Variants in NAALADL1 observed in about 807,000 individuals in gnomAD.
The protein encoded by NAALADL1 is aminopeptidase NAALADL1.
In NAALADL1, 77 loss-of-function variants were observed where a neutral mutation model predicts 82.8. The observed-to-expected ratio is 0.93, with a 90% CI of 0.77 to 1.12. NAALADL1 has a LOEUF of 1.12. Ranked by LOEUF, NAALADL1 falls within the 50% of genes most tolerant of loss-of-function variation. The pLI, the probability that NAALADL1 is intolerant of heterozygous loss-of-function variation, is 0.00. For missense variants in NAALADL1, 956 were observed against 964.0 expected, an observed-to-expected ratio of 0.99 and a Z score of 0.11; for synonymous variants, 358 against 399.2, an observed-to-expected ratio of 0.90 and a Z score of 1.23.
intron 3 of NAALADL1, 55 bp from the exon 4 acceptor site, chr11:65,057,548 G>T: frequency 6.4e-7 from 1 of 1,572,696 alleles, no homozygotes. Flanking sequence ...TGTGGGTGGG[G>T]AAGGGGGGTG....
rs369881499 is a variant in NAALADL1, at chr11:65,057,961, G to T, written c.394C>A (p.Arg132=). 3 of 1,614,010 alleles carry T rather than the reference G, an allele frequency of 1.9e-6. No individual in the cohort carries two copies. The highest frequency in any genetic ancestry group is 1.3e-5 in the African/African-American group (1 of 74,906). ...PTGGIIHSCH[R]TEENVTGEQG... ...TCCCCGGTCACGTTCTCCTCAGTCC[G>T]GTGGCAGGAGTGGATGATGCCCCCA... Residue 132 remains arginine, a synonymous_variant, in exon 3 of 18, where the codon CGG becomes AGG. Coordinates refer to ENST00000358658, the MANE Select transcript of NAALADL1 (RefSeq NM_005468.3).
intron 4 of NAALADL1, among the ~76,000 whole-genome samples, chr11:65,055,116 T>C (rs886520749): frequency 6.6e-6 from 1 of 152,150 alleles, no homozygotes; most frequent in Non-Finnish European, 1.5e-5. Context: ...TAACATACAA[T>C]GGAGGCCGGG....
chr11:65,045,194 A>G lies in NAALADL1; in HGVS notation c.*77T>C, dbSNP rs907069064. ...GTGGTAGTGCCCTCTTCTGGCACCA[A>G]GGAAGACCAGGACATCTCAGGAAAG... On this transcript the variant is annotated 3_prime_UTR_variant, in exon 18 of 18. Coordinates refer to ENST00000358658, the MANE Select transcript of NAALADL1 (RefSeq NM_005468.3). 2 of 1,501,270 alleles carry G rather than the reference A, an allele frequency of 1.3e-6. No homozygotes were observed. Among genetic ancestry groups the G allele is most frequent in the East Asian group, 2.3e-5 (1 of 42,564 alleles). 93.0% of individuals were successfully genotyped at this position (1,501,270 alleles called of 1,614,324 possible).
In NAALADL1 at chr11:65,045,293, A is replaced by C; in HGVS notation, c.2201T>G (p.Leu734Arg). ...GGGTCAGAGGTCAGCCACAGGCCTC[A>C]GGGTGGCTGCCGCACCCTCCAGGGC... is the stretch of plus-strand genomic sequence containing the variant. ...VTALEGAAATLRPVADL is the reference protein window; with the variant it reads ...VTALEGAAATRRPVADL Residue 734 changes from leucine (L) to arginine (R), a missense_variant, in exon 18 of 18, where the codon CTG becomes CGG. Leu to Arg is a moderately radical substitution (Grantham distance 102). Transcript: ENST00000358658. 6.2e-7 allele frequency: 1 copy of C among 1,608,196 alleles called. No individual in the cohort carries two copies. Among genetic ancestry groups the C allele is most frequent in the South Asian group, 1.1e-5 (1 of 90,456 alleles).
At chr11:65,046,006 C>T in intron 16 of NAALADL1, 21 bp downstream of exon 16, 1 of 1,612,834 alleles carries the variant, frequency 6.2e-7, no homozygotes, top group Non-Finnish European at 8.5e-7. Flanking sequence ...CTCCCAGCCC[C>T]TGCCCGCTGC....
Position 65,053,349 on chromosome 11 carries a change from A to G in NAALADL1, c.1079-12T>C. ...CAGCACGTAGCGATCTGGCCAGAGG[A>G]AAAGGGGCAGAGAACCAGAGGAGAG... On this transcript the variant is annotated splice_polypyrimidine_tract_variant and intron_variant, in intron 7 of 17. Transcript: ENST00000358658. The surrounding 1 kb of genome is among the most constrained non-coding windows in gnomAD (Gnocchi z 4.3). 6.3e-7 allele frequency: 1 copy of G among 1,594,330 alleles called. No homozygotes were observed. The highest frequency in any genetic ancestry group is 8.5e-7 in the Non-Finnish European group (1 of 1,170,844).
In NAALADL1 at chr11:65,045,369, C is replaced by A. The variant is rs953709887; in HGVS notation, c.2125G>T (p.Gly709Ter). 2 of 1,612,104 alleles carry A rather than the reference C, an allele frequency of 1.2e-6. No individual in the cohort carries two copies. The change falls in exon 18 of 18, where the codon GGA (glycine) becomes TGA (stop). Residue 709 changes from glycine (G) to a stop codon, truncating the protein, a stop_gained. Transcript: ENST00000358658. LOFTEE classifies it high-confidence loss of function. ...TGGACCTCAGCCCAAGCTTCAGATCCAGAAGCTGTGTCCCTGGCCCTGGAG... is the reference window on the plus strand; with the variant it reads ...TGGACCTCAGCCCAAGCTTCAGATCAAGAAGCTGTGTCCCTGGCCCTGGAG... ...ACSRARDTAS[G>*]SEAWAEVQRQ...
chr11:65,045,982 C>T (rs780944314), intron 16 of NAALADL1, 45 bp downstream of exon 16: 4 of 1,611,330 alleles, frequency 2.5e-6, no homozygotes, highest in Non-Finnish European at 3.4e-6. Flanking sequence ...TGGTATCCTG[C>T]CCTGGGTGCT....
At chr11:65,055,418 C>T (rs1444351771) in intron 4 of NAALADL1, among the ~76,000 whole-genome samples, 2 of 152,092 alleles carry the variant, frequency 1.3e-5, no homozygotes, top group African/African-American at 4.8e-5. Flanking sequence ...GCCTAGGTGA[C>T]AGAGCAAGAC....
chr11:65,054,911 C>G lies in NAALADL1; in HGVS notation c.604-173G>C. On this transcript the variant is annotated intron_variant, in intron 4 of 17. Coordinates refer to ENST00000358658, the MANE Select transcript of NAALADL1 (RefSeq NM_005468.3). The surrounding 1 kb of genome is among the most constrained non-coding windows in gnomAD (Gnocchi z 4.3). ...CCTCTTGCAACAGTAAAGGCCAGTT[C>G]GGCACAGCCAAGCCCGTGCCTATCA... is the stretch of plus-strand genomic sequence containing the variant. Among the ~76,000 whole-genome samples the G allele has an allele frequency of 6.6e-6, 1 of 152,254 alleles. No homozygotes were observed. Among genetic ancestry groups the G allele is most frequent in the East Asian group, 1.9e-4 (1 of 5,188 alleles).
intron 1 of NAALADL1, 36 bp from the exon 2 acceptor site, chr11:65,058,286 T>A: frequency 6.2e-7 from 1 of 1,613,772 alleles, no homozygotes; most frequent in Non-Finnish European, 8.5e-7. Flanking sequence ...AGGGCCAGCA[T>A]CAGGGAGGGG....
Position 65,045,813 on chromosome 11 carries a change from C to T in NAALADL1, c.2036+9G>A. The stretch of plus-strand genomic sequence containing the variant: ...GGAGGCACCTCCCAGGACTCTGGGA[C>T]AGACTCACCTGTAGTAGCGTTCCTC... On this transcript the variant is annotated intron_variant, in intron 17 of 17. Transcript: ENST00000358658. The T allele has an allele frequency of 6.2e-7, 1 of 1,613,562 alleles. No individual in the cohort carries two copies.
In NAALADL1 at chr11:65,046,456, A is replaced by C; in HGVS notation, c.1670T>G (p.Phe557Cys). Reference sequence around the variant, plus strand: ...GTCTCCCTCCTCACCCGGGTCCAAAAACTTGTCCACATAGTCAAAGGTGTC... The same window carrying C: ...GTCTCCCTCCTCACCCGGGTCCAAACACTTGTCCACATAGTCAAAGGTGTC... The part of the protein sequence containing the change: ...AFDTFDYVDK[F>C]LDPGFSSHQA... The change falls in exon 14 of 18, where the codon TTT becomes TGT. Residue 557 changes from phenylalanine to cysteine, a missense_variant. Coordinates refer to ENST00000358658, the MANE Select transcript of NAALADL1 (RefSeq NM_005468.3). 6.2e-7 allele frequency: 1 copy of C among 1,613,926 alleles called. No homozygotes were observed. The highest frequency in any genetic ancestry group is 8.5e-7 in the Non-Finnish European group (1 of 1,179,946).
In NAALADL1 at chr11:65,047,522, G is replaced by T; in HGVS notation, c.1552C>A (p.His518Asn). The T allele has an allele frequency of 1.9e-6, 3 of 1,571,564 alleles. No homozygotes were observed. The highest frequency in any genetic ancestry group is 1.7e-6 in the Non-Finnish European group (2 of 1,158,298). The part of the protein sequence containing the change: ...GAGSDYAPFV[H>N]FLGISSMDIA... ...TCCATGGAGGAGATGCCCAGGAAGT[G>T]AACGAAGGGTGCATAGTCGCTGCCA... The change falls in exon 13 of 18, where the codon CAC becomes AAC. Residue 518 changes from histidine to asparagine, a missense_variant. His to Asn is a moderately conservative substitution (Grantham distance 68). Transcript: ENST00000358658.
rs1565247513 is a variant in NAALADL1, at chr11:65,057,856, G to T, written c.480+19C>A. The T allele has an allele frequency of 1.2e-6, 2 of 1,612,750 alleles. No homozygotes were observed. Among genetic ancestry groups the T allele is most frequent in the East Asian group, 2.2e-5 (1 of 44,866 alleles). ...CCAAGGGAGCTGGGCCAGAGCAGTA[G>T]GGGGGGTTCTGGGCCCACCTGTGGG... On this transcript the variant is annotated intron_variant, in intron 3 of 17. Coordinates refer to ENST00000358658, the MANE Select transcript of NAALADL1 (RefSeq NM_005468.3).
upstream of NAALADL1, among the ~76,000 whole-genome samples, chr11:65,059,921 A>T (rs117130852): frequency 0.02 from 3,027 of 152,190 alleles, 51 homozygotes; most frequent in Middle Eastern, 0.031. Context: ...GGGAAGTGAG[A>T]CCCCAAGTAT....
Position 65,048,218 on chromosome 11 carries a change from G to A in NAALADL1, c.1285-3C>T, listed in dbSNP as rs1946791472. ...TCCTGCAGCTTGTTGAAGAACTCCT[G>A]CGGGTGCGAGGGGCGACGTCAGCCC... On this transcript the variant is annotated splice_polypyrimidine_tract_variant and splice_region_variant and intron_variant, in intron 9 of 17. Coordinates refer to ENST00000358658, the MANE Select transcript of NAALADL1 (RefSeq NM_005468.3). 4 of 1,613,692 alleles carry A rather than the reference G, an allele frequency of 2.5e-6. No individual in the cohort carries two copies. In the South Asian group the frequency reaches 4.4e-5, roughly 18 times the overall value.
At chr11:65,051,315 C>CTTTCTT (rs1946879993) in intron 8 of NAALADL1, among the ~76,000 whole-genome samples, 15 of 59,578 alleles carry the variant, frequency 2.5e-4, no homozygotes, top group Non-Finnish European at 4.1e-4. Flanking sequence ...TTCTTTCTTT[C>CTTTCTT]TTTTTTTTTT....
chr11:65,053,271 C>T lies in NAALADL1; in HGVS notation c.1145G>A (p.Gly382Asp). Residue 382 changes from glycine (G) to aspartate (D), a missense_variant, in exon 8 of 18, where the codon GGC (glycine) becomes GAC (aspartate). Coordinates refer to ENST00000358658, the MANE Select transcript of NAALADL1 (RefSeq NM_005468.3). The surrounding 1 kb of genome is among the most constrained non-coding windows in gnomAD (Gnocchi z 4.3). ...GGAGAGCTCCAGGAGGACGGCGGTG[C>T]CACTGCTGGGGTCCACAGCCCCGTG... ...WVHGAVDPSS[G>D]TAVLLELSRV... The T allele has an allele frequency of 6.4e-7, 1 of 1,555,618 alleles. No individual in the cohort carries two copies. The highest frequency in any genetic ancestry group is 8.7e-7 in the Non-Finnish European group (1 of 1,149,918).
Sources: gnomAD v4.1 joint callset for allele counts (sites outside exome capture counted in the v4.1 genomes callset) on GRCh38, gnomAD v4.1.1 for gene constraint, Gnocchi (gnomAD v3.1) non-coding constraint, MANE v1.5 for transcripts, NCBI Gene and HGNC (gene_info 2026-07-23, HGNC 2026-07-21) for gene names.